Variants in DPF2 observed in about 807,000 individuals in gnomAD.
DPF2 encodes the protein zinc finger protein ubi-d4.
A neutral mutation model predicts 59.6 loss-of-function variants in DPF2; 10 were observed. The observed-to-expected ratio is 0.17, with a 90% CI of 0.10 to 0.28. The LOEUF (loss-of-function observed/expected upper bound fraction) is 0.28. Ranked by LOEUF, DPF2 falls within the 10% of genes least tolerant of loss-of-function variation. The probability of loss-of-function intolerance (pLI) is 1.00; values close to 1 mark genes in which losing one functional copy is unlikely to be tolerated. For synonymous variants in DPF2, 189 were observed against 190.6 expected, an observed-to-expected ratio of 0.99 and a Z score of 0.07; for missense variants, 315 against 509.4, an observed-to-expected ratio of 0.62 and a Z score of 3.67.
intron 1 of DPF2, among the ~76,000 whole-genome samples, chr11:65,338,021 G>A (rs1281153462): frequency 6.6e-5 from 10 of 152,072 alleles, no homozygotes; most frequent in African/African-American, 2.2e-4. Flanking sequence ...GGCTGGTCTC[G>A]AACTCCTGAC....
intron 1 of DPF2, among the ~76,000 whole-genome samples, chr11:65,337,504 T>TAGAGAGAGAGAGAGAGAGAGAG (rs1188984367): frequency 4.7e-5 from 1 of 21,394 alleles, no homozygotes; most frequent in Non-Finnish European, 8.1e-5. Flanking sequence ...TATATATATA[T>TAGAGAGAGAGAGAGAGAGAGAG]AGAGAGAGAG....
intron 4 of DPF2, among the ~76,000 whole-genome samples, chr11:65,342,545 A>G (rs1854403814): frequency 6.6e-6 from 1 of 152,222 alleles, no homozygotes; most frequent in Non-Finnish European, 1.5e-5. Context: ...ACAGTGAAGC[A>G]CACTTAGTCT....
chr11:65,344,820 A>C, intron 6 of DPF2: 1 of 625,100 alleles, frequency 1.6e-6, no homozygotes, highest in Non-Finnish European at 2.8e-6. Flanking sequence ...GTTTCCCACA[A>C]ACCTGCTCCT....
At chr11:65,348,380 G>A (rs1051559797) in intron 9 of DPF2, 2 of 154,132 alleles carry the variant, frequency 1.3e-5, no homozygotes, top group African/African-American at 4.8e-5. Context: ...GGGATTTCAG[G>A]ACCAGCCTGG....
rs1854441042 is a variant in DPF2, at chr11:65,343,547, CAG to C, written c.466-197_466-196del. 1.0e-5 allele frequency: 6 copies of C among 585,514 alleles called. 1 individual carries two copies. In the South Asian group the frequency reaches 1.3e-4, roughly 13 times the overall value. 36.3% of individuals were successfully genotyped at this position (585,514 alleles called of 1,614,324 possible). A position where few individuals can be genotyped will look rare whatever the true frequency, so the allele number is the denominator to read the frequency against. On this transcript the variant is annotated intron_variant, in intron 4 of 10. Coordinates refer to ENST00000528416, the MANE Select transcript of DPF2 (RefSeq NM_006268.5). ...CAGGCTAAGGAAATAACGTGAAGCACAGGGGAAAGATATCCCAAAGTATGGAA... is the reference window on the plus strand; with the variant it reads ...CAGGCTAAGGAAATAACGTGAAGCACGGGAAAGATATCCCAAAGTATGGAA...
At chr11:65,340,342 C>T in intron 1 of DPF2, 43 bp from the exon 2 acceptor site, 1 of 1,603,908 alleles carries the variant, frequency 6.2e-7, no homozygotes, top group Non-Finnish European at 8.5e-7. Context: ...CACCCTATGC[C>T]CCCCGCTCCA....
intron 6 of DPF2, chr11:65,344,711 C>T: frequency 7.1e-6 from 10 of 1,402,820 alleles, no homozygotes; most frequent in Non-Finnish European, 9.7e-6. Flanking sequence ...TCCTGGGATG[C>T]TAGCTTTAAA....
intron 9 of DPF2, chr11:65,348,174 A>G (rs1854592184): frequency 6.6e-6 from 1 of 152,308 alleles, no homozygotes; most frequent in Admixed American, 6.6e-5. Context: ...AGTCCCAGCT[A>G]CTTGGCAGGC....
rs1418055895 is a variant in DPF2 at position 65,353,747 on chromosome 11, C to T, written c.*1988C>T. Among the ~76,000 whole-genome samples the T allele has an allele frequency of 6.6e-6, 1 of 152,170 alleles. No homozygotes were observed. The highest frequency in any genetic ancestry group is 1.9e-4 in the East Asian group (1 of 5,200). On this transcript the variant is annotated 3_prime_UTR_variant, in exon 11 of 11. Transcript: ENST00000528416. ...AGAACATTCTGAAAGTCATCCTTGC[C>T]TATGGGAAGCCTAGGCCGGCCTGCA...
chr11:65,342,942 C>T (rs985849550), intron 4 of DPF2, among the ~76,000 whole-genome samples: 1 of 146,498 alleles, frequency 6.8e-6, no homozygotes. Context: ...TGCAGTGAGC[C>T]GAGATTGCGC....
In DPF2 at chr11:65,352,948, A is replaced by G. The variant is rs967909361; in HGVS notation, c.*1189A>G. ...TTTCTTTCTTTAGTTCCTGTATTCT[A>G]AACATTAGTAAAAATAAATGTTTTT... is the stretch of plus-strand genomic sequence containing the variant. On this transcript the variant is annotated 3_prime_UTR_variant, in exon 11 of 11. Transcript: ENST00000528416. 1 of 151,986 alleles carries G rather than the reference A, an allele frequency of 6.6e-6. No homozygotes were observed. The highest frequency in any genetic ancestry group is 6.6e-5 in the Admixed American group (1 of 15,254). 9.4% of individuals were successfully genotyped at this position (151,986 alleles called of 1,614,324 possible). A position where few individuals can be genotyped will look rare whatever the true frequency, so the allele number is the denominator to read the frequency against.
At chr11:65,339,355 G>A (rs895559450) in intron 1 of DPF2, among the ~76,000 whole-genome samples, 1 of 152,006 alleles carries the variant, frequency 6.6e-6, no homozygotes, top group African/African-American at 2.4e-5. Context: ...CTATATACAC[G>A]CTTCTTAGAA....
chr11:65,338,665 A>G (rs1159486756), intron 1 of DPF2, among the ~76,000 whole-genome samples: 1 of 152,106 alleles, frequency 6.6e-6, no homozygotes, highest in Admixed American at 6.6e-5. Context: ...CTCAGATTAC[A>G]GTCATTACAG....
In DPF2 at chr11:65,333,933, C is replaced by A. The variant is rs201627562; in HGVS notation, c.32+15C>A. On this transcript the variant is annotated intron_variant, in intron 1 of 10. Transcript: ENST00000528416. ...GTAGTGAAGCTGTGAGTGGTCGTTTCTTTCTCTCCTAGGGCGGCAGGTTTT... is the reference window on the plus strand; with the variant it reads ...GTAGTGAAGCTGTGAGTGGTCGTTTATTTCTCTCCTAGGGCGGCAGGTTTT... The A allele has an allele frequency of 2.4e-4, 380 of 1,612,040 alleles. No homozygotes were observed. The highest frequency in any genetic ancestry group is 3.0e-4 in the Non-Finnish European group (348 of 1,179,214).
intron 1 of DPF2, 99 bp downstream of exon 1, chr11:65,334,017 C>T: frequency 6.6e-7 from 1 of 1,524,032 alleles, no homozygotes; most frequent in Non-Finnish European, 8.9e-7. Flanking sequence ...AGAGGGACAT[C>T]CCCGGGAAAG....
intron 1 of DPF2, among the ~76,000 whole-genome samples, chr11:65,335,107 C>A (rs556459868): frequency 7.0e-6 from 1 of 143,460 alleles, no homozygotes; most frequent in Non-Finnish European, 1.5e-5. Flanking sequence ...TTGCTTTCTG[C>A]TCTATCCTGC....
chr11:65,343,478 C>T, intron 4 of DPF2: 1 of 475,714 alleles, frequency 2.1e-6, no homozygotes, highest in Non-Finnish European at 3.8e-6. Context: ...CTTTTGGAAG[C>T]ATGCTATTTG....
At chr11:65,349,674 T>C (rs1854634907) in intron 10 of DPF2, among the ~76,000 whole-genome samples, 1 of 152,080 alleles carries the variant, frequency 6.6e-6, no homozygotes, top group African/African-American at 2.4e-5. Context: ...CGGGCGCCTG[T>C]AGTCCCAGCT....
rs369949613 is a variant in DPF2, at chr11:65,343,973, C to T, written c.559-18C>T. On this transcript the variant is annotated intron_variant, in intron 5 of 10. Coordinates refer to ENST00000528416, the MANE Select transcript of DPF2 (RefSeq NM_006268.5). Reference sequence around the variant, plus strand: ...CCCAGCTACCAAAATAAGGGTGTCTCTTTGCTCTTCTTGGCAGGGTAAGGG... The same window carrying T: ...CCCAGCTACCAAAATAAGGGTGTCTTTTTGCTCTTCTTGGCAGGGTAAGGG... The T allele has an allele frequency of 1.5e-5, 24 of 1,614,110 alleles. No homozygotes were observed. The Middle Eastern group carries it at 8.3e-4, about 55-fold the overall frequency.
Sources: allele counts gnomAD v4.1 joint callset (sites outside exome capture counted in the v4.1 genomes callset), GRCh38; gene constraint gnomAD v4.1.1; transcripts MANE v1.5; gene names NCBI Gene and HGNC (gene_info 2026-07-23, HGNC 2026-07-21).